Variants in PLCZ1 observed in about 807,000 individuals in gnomAD.
The protein encoded by PLCZ1 is phospholipase C zeta 1.
A neutral mutation model predicts 76.8 loss-of-function variants in PLCZ1; 64 were observed. The ratio of observed to expected loss-of-function variants is 0.83; its 90% CI spans 0.68 to 1.03. PLCZ1 has a LOEUF of 1.03. PLCZ1 is among the 50% of genes least tolerant of loss of function. The pLI is 0.00. For synonymous variants in PLCZ1, 248 were observed against 230.8 expected, an observed-to-expected ratio of 1.07 and a Z score of -0.68; for missense variants, 751 against 713.7, an observed-to-expected ratio of 1.05 and a Z score of -0.60.
intron 4 of PLCZ1, among the ~76,000 whole-genome samples, chr12:18,722,892 C>A (rs1400431123): frequency 6.6e-6 from 1 of 151,726 alleles, no homozygotes; most frequent in Non-Finnish European, 1.5e-5. Context: ...TCATTTAGCA[C>A]ATTTAATTTT....
chr12:18,701,487 AAAC>A lies in PLCZ1; in HGVS notation c.1017+11_1017+13del, dbSNP rs768931821. ...TCCAATCACTTGTAAGATTTTCACAAAACACCACCTCACCTTCTTTTTCTTGAA... is the reference window on the plus strand; with the variant it reads ...TCCAATCACTTGTAAGATTTTCACAAACCACCTCACCTTCTTTTTCTTGAA... On this transcript the variant is annotated intron_variant, in intron 9 of 14. Coordinates refer to ENST00000266505, the MANE Select transcript of PLCZ1 (RefSeq NM_033123.4). 1.2e-6 allele frequency: 2 copies of A among 1,614,086 alleles called. No individual in the cohort carries two copies. Among genetic ancestry groups the A allele is most frequent in the South Asian group, 2.2e-5 (2 of 91,080 alleles).
intron 12 of PLCZ1, among the ~76,000 whole-genome samples, chr12:18,691,554 C>T (rs560816267): frequency 5.9e-5 from 9 of 152,126 alleles, no homozygotes; most frequent in Admixed American, 2.0e-4. Flanking sequence ...GTAAAAATGA[C>T]AATCACTTGG....
Position 18,684,026 on chromosome 12 carries a change from A to G in PLCZ1, c.1741+104T>C, listed in dbSNP as rs1023910230. On this transcript the variant is annotated intron_variant, in intron 14 of 14. Transcript: ENST00000266505. ...TGTCAATACATAAAATTTCCTTTAC[A>G]TCCTACTTTATGATAGAGCTATTTG... The G allele has an allele frequency of 1.0e-5, 14 of 1,337,776 alleles. No homozygotes were observed. The Admixed American group carries it at 2.6e-4, about 25-fold the overall frequency. The allele number at this position is 1,337,776 out of a possible 1,614,324, so 82.9% of individuals were successfully genotyped here. A position where few individuals can be genotyped will look rare whatever the true frequency, so the allele number is the denominator to read the frequency against.
At chr12:18,682,759 T>C (rs889686403), downstream of PLCZ1, among the ~76,000 whole-genome samples, 5 of 151,916 alleles carry the variant, frequency 3.3e-5, no homozygotes, top group Admixed American at 1.3e-4. Context: ...AGAACTAGCA[T>C]AAGAATGCAG....
chr12:18,705,372 C>A, intron 6 of PLCZ1, 57 bp from the exon 7 acceptor site: 1 of 1,585,644 alleles, frequency 6.3e-7, no homozygotes, highest in Non-Finnish European at 8.7e-7. Flanking sequence ...AATTGTAAGG[C>A]AATTAATATA....
chr12:18,694,990 G>T lies in PLCZ1; in HGVS notation c.1381C>A (p.Pro461Thr), dbSNP rs1242127347. 1 of 1,610,148 alleles carries T rather than the reference G, an allele frequency of 6.2e-7. No individual in the cohort carries two copies. Among genetic ancestry groups the T allele is most frequent in the Non-Finnish European group, 8.5e-7 (1 of 1,176,764 alleles). Residue 461 changes from proline to threonine, a missense_variant, in exon 12 of 15, where the codon CCA becomes ACA. By Grantham distance (38) the Pro-to-Thr change is conservative. Coordinates refer to ENST00000266505, the MANE Select transcript of PLCZ1 (RefSeq NM_033123.4). ...GATTTACTCTCTCTTAAGAAATGTG[G>T]TTTCAAAATATATCCAGAACCACCA... ...DNGGSGYILK[P>T]HFLRESKSYF...
In PLCZ1 at chr12:18,693,579, G is replaced by T; in HGVS notation, c.1461+1331C>A. The stretch of plus-strand genomic sequence containing the variant: ...CTAGGTGATGGGCCCAAACTCGGAC[G>T]GGAATTGTTTCGAGTTGCTGAAGAA... On this transcript the variant is annotated intron_variant, in intron 12 of 14. Transcript: ENST00000266505. 5.6e-6 allele frequency: 9 copies of T among 1,596,742 alleles called. No homozygotes were observed. In the South Asian group the frequency reaches 8.8e-5, roughly 16 times the overall value.
intron 7 of PLCZ1, among the ~76,000 whole-genome samples, chr12:18,702,031 C>T (rs1389094495): frequency 1.3e-5 from 2 of 151,822 alleles, no homozygotes; most frequent in African/African-American, 4.8e-5. Flanking sequence ...TTTTATATTT[C>T]CCAAGTTGGT....
At chr12:18,654,581 G>C in the PLCZ1 span, among the ~76,000 whole-genome samples, 1 of 152,288 alleles carries the variant, frequency 6.6e-6, no homozygotes, top group African/African-American at 2.4e-5. Context: ...ATTGCCACGG[G>C]TGTTCCCTGA....
chr12:18,682,068 G>A (rs12302595), downstream of PLCZ1, among the ~76,000 whole-genome samples: 1,492 of 152,128 alleles, frequency 9.8e-3, 32 homozygotes, highest in African/African-American at 0.034. Context: ...AATTGGCTGT[G>A]CATCCCTACT....
chr12:18,649,174 TC>T, the PLCZ1 span, among the ~76,000 whole-genome samples: 810 of 152,250 alleles, frequency 5.3e-3, 9 homozygotes, highest in African/African-American at 0.019. Flanking sequence ...CAGCAACTCC[TC>T]CCCTAATCCT....
intron 3 of PLCZ1, among the ~76,000 whole-genome samples, chr12:18,730,616 A>G (rs1958992322): frequency 6.6e-6 from 1 of 152,150 alleles, no homozygotes; most frequent in Non-Finnish European, 1.5e-5. Flanking sequence ...ATAGATCTTC[A>G]GGCCTGCTCA....
At chr12:18,698,681 G>A (rs1466227676) in intron 10 of PLCZ1, among the ~76,000 whole-genome samples, 1 of 151,926 alleles carries the variant, frequency 6.6e-6, no homozygotes, top group Non-Finnish European at 1.5e-5. Context: ...TATTTATGGA[G>A]TACACGAGAT....
the PLCZ1 span, among the ~76,000 whole-genome samples, chr12:18,662,946 A>G: frequency 6.6e-6 from 1 of 152,270 alleles, no homozygotes; most frequent in East Asian, 1.9e-4. Context: ...AACAATTAGG[A>G]CTATAAAAGC....
chr12:18,690,828 C>A (rs1953955104), intron 12 of PLCZ1, among the ~76,000 whole-genome samples: 1 of 152,100 alleles, frequency 6.6e-6, no homozygotes, highest in South Asian at 2.1e-4. Context: ...GAGAAGGATC[C>A]TAGTTCCACA....
intron 3 of PLCZ1, among the ~76,000 whole-genome samples, chr12:18,724,959 G>A (rs563914235): frequency 6.6e-5 from 10 of 152,160 alleles, no homozygotes; most frequent in South Asian, 4.1e-4. Flanking sequence ...TTGGTCATCC[G>A]AAATGTTCTC....
chr12:18,691,158 T>C (rs1300456418), intron 12 of PLCZ1, among the ~76,000 whole-genome samples: 1 of 152,044 alleles, frequency 6.6e-6, no homozygotes, highest in Non-Finnish European at 1.5e-5. Flanking sequence ...CAGCAGAATT[T>C]AACGTTGGTC....
At chr12:18,701,138 C>T (rs1220160140) in intron 9 of PLCZ1, among the ~76,000 whole-genome samples, 1 of 151,980 alleles carries the variant, frequency 6.6e-6, no homozygotes, top group Non-Finnish European at 1.5e-5. Flanking sequence ...GCATGCGTCA[C>T]CATGCCCGGC....
chr12:18,678,863 C>A (rs180759672), downstream of PLCZ1, among the ~76,000 whole-genome samples: 129 of 151,960 alleles, frequency 8.5e-4, no homozygotes, highest in Middle Eastern at 3.4e-3. Context: ...TATCTAGGAC[C>A]AAAAAGCTTG....
Sources: allele counts gnomAD v4.1 joint callset (sites outside exome capture counted in the v4.1 genomes callset), GRCh38; gene constraint gnomAD v4.1.1; transcripts MANE v1.5; gene names NCBI Gene and HGNC (gene_info 2026-07-23, HGNC 2026-07-21).